The following HPS3 variants were observed in gnomAD, a reference collection of about 807,000 sequenced individuals.
HPS3 encodes the protein HPS3 biogenesis of lysosomal organelles complex 2 subunit 1, also known as BLOC-2 complex member HPS3.
A neutral mutation model predicts 110.9 loss-of-function variants in HPS3; 79 were observed. The observed-to-expected ratio is 0.71, with a 90% CI of 0.59 to 0.86. HPS3 has a LOEUF of 0.86. Among genes scored for constraint, HPS3 ranks in the 40% least tolerant of loss-of-function variants. The pLI, the probability that HPS3 is intolerant of heterozygous loss-of-function variation, is 0.00. For missense variants in HPS3, 1,197 were observed against 1,206.2 expected, an observed-to-expected ratio of 0.99 and a Z score of 0.11; for synonymous variants, 428 against 451.0, an observed-to-expected ratio of 0.95 and a Z score of 0.65.
At position 149,162,161 on chromosome 3, in the gene HPS3, G is replaced by T; in HGVS notation, c.2120G>T (p.Cys707Phe). ...TCTTATCTGAAGATGAAGTTGGTAT[G>T]TGGCTTCATTCTGGAACCTCGGCTG... ...MKSHSEMKLV[C>F]GFILEPRLLI... Residue 707 changes from cysteine to phenylalanine, a missense_variant, in exon 12 of 17, where the codon TGT becomes TTT. Transcript: ENST00000296051. The T allele has an allele frequency of 6.2e-7, 1 of 1,613,804 alleles. No individual in the cohort carries two copies. The highest frequency in any genetic ancestry group is 8.5e-7 in the Non-Finnish European group (1 of 1,179,770).
Position 149,173,454 on chromosome 3 carries a change from C to T in HPS3, c.*1232C>T, listed in dbSNP as rs991865101. The T allele has an allele frequency of 5.3e-5, 15 of 282,260 alleles. No homozygotes were observed. Among genetic ancestry groups the T allele is most frequent in the Admixed American group, 1.0e-4 (2 of 19,862 alleles). 17.5% of individuals were successfully genotyped at this position (282,260 alleles called of 1,614,324 possible). Reference sequence around the variant, plus strand: ...ATGCAGTTTTATAAAACCCTAACAGCGGTGATATCATTAGACTGTATGAAT... The same window carrying T: ...ATGCAGTTTTATAAAACCCTAACAGTGGTGATATCATTAGACTGTATGAAT... On this transcript the variant is annotated 3_prime_UTR_variant, in exon 17 of 17. Coordinates refer to ENST00000296051, the MANE Select transcript of HPS3 (RefSeq NM_032383.5).
chr3:149,166,083 T>A (rs1195474724), intron 14 of HPS3: 1 of 452,514 alleles, frequency 2.2e-6, no homozygotes, highest in South Asian at 1.6e-5. Flanking sequence ...ACAAGAAAAT[T>A]AGGACATGAC....
intron 4 of HPS3, among the ~76,000 whole-genome samples, chr3:149,144,378 G>A (rs945524287): frequency 6.6e-5 from 10 of 152,174 alleles, no homozygotes; most frequent in South Asian, 2.1e-4. Flanking sequence ...GTGAGACTCC[G>A]TCTCAAAAAA....
chr3:149,158,785 G>C lies in HPS3; in HGVS notation c.1811G>C (p.Arg604Thr), dbSNP rs764894549. ...TVEDGLQKYE[R>T]GLIFYINHSL... ...GAGGATGGATTACAGAAATACGAGAGAGGATTAATCTTTTACATTAATCAT... is the reference window on the plus strand; with the variant it reads ...GAGGATGGATTACAGAAATACGAGACAGGATTAATCTTTTACATTAATCAT... The change falls in exon 10 of 17, where the codon AGA becomes ACA. Residue 604 changes from arginine to threonine, a missense_variant. Coordinates refer to ENST00000296051, the MANE Select transcript of HPS3 (RefSeq NM_032383.5). 1 of 1,610,306 alleles carries C rather than the reference G, an allele frequency of 6.2e-7. No individual in the cohort carries two copies. The highest frequency in any genetic ancestry group is 8.5e-7 in the Non-Finnish European group (1 of 1,176,636).
Position 149,162,699 on chromosome 3 carries a change from GC to G in HPS3, c.2303del (p.Ala768ValfsTer12). ...TTTTACTGTTTTTAAGGTGCTTTGTGCTAAGGATGAAGATACAATTCCTCAG... is the reference window on the plus strand; with the variant it reads ...TTTTACTGTTTTTAAGGTGCTTTGTGTAAGGATGAAGATACAATTCCTCAG... The part of the protein sequence containing the change: ...EADSFFKVLC[A>X]KDEDTIPQLL... On this transcript the variant is annotated frameshift_variant, in exon 13 of 17. Transcript: ENST00000296051. LOFTEE classifies it high-confidence loss of function. The G allele has an allele frequency of 6.2e-7, 1 of 1,613,940 alleles. No individual in the cohort carries two copies. Among genetic ancestry groups the G allele is most frequent in the South Asian group, 1.1e-5 (1 of 91,082 alleles).
chr3:149,140,197 G>C lies in HPS3; in HGVS notation c.411G>C (p.Leu137Phe), dbSNP rs776135012. Residue 137 changes from leucine to phenylalanine, a missense_variant, in exon 2 of 17, where the codon TTG (leucine) becomes TTC (phenylalanine). Coordinates refer to ENST00000296051, the MANE Select transcript of HPS3 (RefSeq NM_032383.5). ...AAATGCCGCTTTCGGAGGCCCCCTT[G>C]TGCATTTCCTGTTGCCCTGTGAAAG... ...IIEMPLSEAP[L>F]CISCCPVKGD... The C allele has an allele frequency of 3.2e-5, 51 of 1,614,060 alleles. No individual in the cohort carries two copies. Among genetic ancestry groups the C allele is most frequent in the Non-Finnish European group, 4.2e-5 (49 of 1,180,036 alleles).
chr3:149,160,359 CT>C, intron 11 of HPS3, 80 bp downstream of exon 11: 1 of 901,126 alleles, frequency 1.1e-6, no homozygotes, highest in Non-Finnish European at 1.8e-6. Flanking sequence ...CTTCTGGCTT[CT>C]TTCTAGCTTA....
At chr3:149,155,644 G>C (rs754501636) in intron 8 of HPS3, among the ~76,000 whole-genome samples, 1 of 152,100 alleles carries the variant, frequency 6.6e-6, no homozygotes. Flanking sequence ...GCATTGTCCT[G>C]GGGGGAGGGA....
Position 149,140,406 on chromosome 3 carries a change from T to G in HPS3, c.620T>G (p.Leu207Ter). ...GCTGTCATGTCAGACTTAGAAGTCT[T>G]AATCGTAAAACTGGAGTCAGGCCCT... Reference protein sequence around the residue: ...YVAVMSDLEVLIVKLESGPKN... With the variant: ...YVAVMSDLEV Residue 207 changes from leucine (L) to a stop codon, truncating the protein, a stop_gained, in exon 2 of 17, where the codon TTA becomes TGA. Transcript: ENST00000296051. LOFTEE classifies it high-confidence loss of function. 6.2e-7 allele frequency: 1 copy of G among 1,611,520 alleles called. No homozygotes were observed. Among genetic ancestry groups the G allele is most frequent in the South Asian group, 1.1e-5 (1 of 90,574 alleles).
At chr3:149,142,474 A>G (rs928803611) in intron 4 of HPS3, among the ~76,000 whole-genome samples, 1 of 152,190 alleles carries the variant, frequency 6.6e-6, no homozygotes, top group Non-Finnish European at 1.5e-5. Flanking sequence ...TCTACATGCA[A>G]GATATCAGTT....
chr3:149,130,936 C>T (rs1017505951), intron 1 of HPS3, among the ~76,000 whole-genome samples: 1 of 152,090 alleles, frequency 6.6e-6, no homozygotes, highest in Non-Finnish European at 1.5e-5. Flanking sequence ...TCCTTTAATA[C>T]ACTTACCTTC....
In HPS3 at chr3:149,167,928, T is replaced by A; in HGVS notation, c.2832T>A (p.Cys944Ter). The change falls in exon 16 of 17, where the codon TGT (cysteine) becomes TGA (stop). Residue 944 changes from cysteine (C) to a stop codon, truncating the protein, a stop_gained. Coordinates refer to ENST00000296051, the MANE Select transcript of HPS3 (RefSeq NM_032383.5). LOFTEE classifies it high-confidence loss of function. The part of the protein sequence containing the change: ...LWWKKLLPEL[C>*]QRIKCGGEKY... The stretch of plus-strand genomic sequence containing the variant: ...GGAAAAAACTGTTGCCTGAACTTTG[T>A]CAGAGAATAAAATGTGGTGGAGAGA... The A allele has an allele frequency of 6.2e-7, 1 of 1,608,402 alleles. No individual in the cohort carries two copies. The highest frequency in any genetic ancestry group is 8.5e-7 in the Non-Finnish European group (1 of 1,174,910).
chr3:149,160,514 G>T (rs962609899), intron 11 of HPS3, among the ~76,000 whole-genome samples: 1 of 152,218 alleles, frequency 6.6e-6, no homozygotes, highest in South Asian at 2.1e-4. Context: ...TGTCAAGTGC[G>T]TTCAGAGCAC....
At position 149,173,030 on chromosome 3, in the gene HPS3, C is replaced by T. The variant is rs1279381765; in HGVS notation, c.*808C>T. The T allele has an allele frequency of 6.6e-6, 1 of 152,474 alleles. No individual in the cohort carries two copies. The highest frequency in any genetic ancestry group is 1.5e-5 in the Non-Finnish European group (1 of 67,998). The allele number at this position is 152,474 out of a possible 1,614,324, so 9.4% of individuals were successfully genotyped here. A position where few individuals can be genotyped will look rare whatever the true frequency, so the allele number is the denominator to read the frequency against. Reference sequence around the variant, plus strand: ...TTCAAGTTTAGTTCATTGATATTATCCTCTGAATGCAGTTAAGGCTGGGCA... The same window carrying T: ...TTCAAGTTTAGTTCATTGATATTATTCTCTGAATGCAGTTAAGGCTGGGCA... On this transcript the variant is annotated 3_prime_UTR_variant, in exon 17 of 17. Coordinates refer to ENST00000296051, the MANE Select transcript of HPS3 (RefSeq NM_032383.5).
rs376265967 is a variant in HPS3, at chr3:149,153,644, C to T, written c.1396C>T (p.Leu466Phe). 1 of 1,614,068 alleles carries T rather than the reference C, an allele frequency of 6.2e-7. No individual in the cohort carries two copies. Among genetic ancestry groups the T allele is most frequent in the African/African-American group, 1.3e-5 (1 of 74,942 alleles). ...AGAGAGAAGACAGTCACCCAAGAGG[C>T]TTCTGTAAGCATCCCCTTGCCCCAG... The part of the protein sequence containing the change: ...IPERRQSPKR[L>F]LSRKDTSVKI... Residue 466 changes from leucine to phenylalanine, a missense_variant, in exon 7 of 17, where the codon CTT becomes TTT. Leu to Phe is a conservative substitution (Grantham distance 22). Transcript: ENST00000296051.
At chr3:149,152,735 G>A (rs1013654212) in intron 6 of HPS3, among the ~76,000 whole-genome samples, 1 of 152,160 alleles carries the variant, frequency 6.6e-6, no homozygotes, top group Non-Finnish European at 1.5e-5. Flanking sequence ...TTTACATGGA[G>A]GTAACAATGA....
intron 9 of HPS3, 85 bp downstream of exon 9, chr3:149,157,616 C>A: frequency 8.2e-7 from 1 of 1,226,070 alleles, no homozygotes. Flanking sequence ...CTGGTAGTTA[C>A]CTGATAAATG....
intron 11 of HPS3, among the ~76,000 whole-genome samples, chr3:149,160,658 T>G (rs1376608357): frequency 6.6e-6 from 1 of 152,206 alleles, no homozygotes; most frequent in Non-Finnish European, 1.5e-5. Flanking sequence ...CCATGAGCTT[T>G]AGGAGTCTAG....
intron 16 of HPS3, among the ~76,000 whole-genome samples, chr3:149,169,536 GTGTGCGTGGGGGTTTCCCC>G (rs962621657): frequency 6.6e-6 from 1 of 152,194 alleles, no homozygotes; most frequent in African/African-American, 2.4e-5. Context: ...GTAATTGTCC[GTGTGCGTGGGGGTTTCCCC>G]TGTGCATTTT....
Sources: allele counts gnomAD v4.1 joint callset (sites outside exome capture counted in the v4.1 genomes callset), GRCh38; gene constraint gnomAD v4.1.1; transcripts MANE v1.5; gene names NCBI Gene and HGNC (gene_info 2026-07-23, HGNC 2026-07-21).